PODXL: variants seen among roughly 807,000 people sequenced by gnomAD.
PODXL encodes the protein podocalyxin.
Under a neutral mutation model 48.9 loss-of-function variants are expected in PODXL, and 20 were observed. That is an observed-to-expected ratio of 0.41 (90% confidence interval 0.29 to 0.59). The LOEUF (loss-of-function observed/expected upper bound fraction) is 0.59, where lower values mean the gene tolerates loss of function less well. Among genes scored for constraint, PODXL ranks in the 20% least tolerant of loss-of-function variants. The pLI is 0.31. For synonymous variants in PODXL, 295 were observed against 287.4 expected, an observed-to-expected ratio of 1.03 and a Z score of -0.27; for missense variants, 606 against 675.1, an observed-to-expected ratio of 0.90 and a Z score of 1.13.
chr7:131,515,274 CTT>C (rs1045857132), intron 1 of PODXL, among the ~76,000 whole-genome samples: 2 of 152,168 alleles, frequency 1.3e-5, no homozygotes, highest in Non-Finnish European at 2.9e-5. Flanking sequence ...CAAGGAGTCT[CTT>C]TGTTTGCAGC....
At chr7:131,546,759 T>C (rs1426667639) in intron 1 of PODXL, among the ~76,000 whole-genome samples, 1 of 150,386 alleles carries the variant, frequency 6.6e-6, no homozygotes, top group African/African-American at 2.5e-5. Context: ...AAAAGTCTGT[T>C]TTGACTCAAA....
intron 1 of PODXL, among the ~76,000 whole-genome samples, chr7:131,533,803 A>G (rs1798322177): frequency 6.6e-6 from 1 of 152,182 alleles, no homozygotes; most frequent in Non-Finnish European, 1.5e-5. Context: ...AGCATGTACC[A>G]GGGAGCCCGA....
intron 1 of PODXL, among the ~76,000 whole-genome samples, chr7:131,530,803 T>C (rs1391642523): frequency 6.7e-6 from 1 of 148,354 alleles, no homozygotes; most frequent in Non-Finnish European, 1.5e-5. Flanking sequence ...CTCCCACCTA[T>C]AATCCCAGCA....
chr7:131,522,789 T>C (rs917530387), intron 1 of PODXL, among the ~76,000 whole-genome samples: 13 of 152,184 alleles, frequency 8.5e-5, no homozygotes, highest in Non-Finnish European at 1.5e-4. Context: ...TTCTTTCACT[T>C]TGATGTGTTT....
At chr7:131,541,123 C>T (rs1323705635) in intron 1 of PODXL, among the ~76,000 whole-genome samples, 1 of 152,176 alleles carries the variant, frequency 6.6e-6, no homozygotes, top group Non-Finnish European at 1.5e-5. Context: ...AGACTAAATC[C>T]GTGCATGCTG....
intron 1 of PODXL, among the ~76,000 whole-genome samples, chr7:131,536,115 C>T (rs1206485177): frequency 2.0e-5 from 3 of 152,268 alleles, no homozygotes; most frequent in South Asian, 2.1e-4. Context: ...TCCTAAAGAG[C>T]CTGACAAGTG....
At chr7:131,533,316 G>A (rs922984649) in intron 1 of PODXL, among the ~76,000 whole-genome samples, 7 of 152,190 alleles carry the variant, frequency 4.6e-5, no homozygotes, top group Non-Finnish European at 1.0e-4. Flanking sequence ...CTCAGGGGTG[G>A]GGTCGTCAGG....
At chr7:131,553,850 A>G (rs935597387) in intron 1 of PODXL, among the ~76,000 whole-genome samples, 20 of 152,232 alleles carry the variant, frequency 1.3e-4, no homozygotes, top group African/African-American at 4.6e-4. Context: ...ACAAATAACG[A>G]AACGGAGGCA....
intron 1 of PODXL, among the ~76,000 whole-genome samples, chr7:131,529,293 G>T (rs1294931036): frequency 1.3e-5 from 2 of 152,166 alleles, no homozygotes; most frequent in Non-Finnish European, 2.9e-5. Flanking sequence ...TGTTGAATGA[G>T]TTAACGCAGT....
chr7:131,551,590 T>C (rs1254895012), intron 1 of PODXL, among the ~76,000 whole-genome samples: 1 of 152,124 alleles, frequency 6.6e-6, no homozygotes. Flanking sequence ...CTACGTCCCC[T>C]CCTGAGAAGT....
intron 1 of PODXL, among the ~76,000 whole-genome samples, chr7:131,519,061 T>C (rs1269633768): frequency 6.6e-6 from 1 of 152,186 alleles, no homozygotes; most frequent in Non-Finnish European, 1.5e-5. Flanking sequence ...AATGATTAGC[T>C]CCTGCTGATG....
rs1752586281 is a variant in PODXL, at chr7:131,504,182, G to A, written c.*129C>T. On this transcript the variant is annotated 3_prime_UTR_variant, in exon 9 of 9. Transcript: ENST00000378555. ...GAAAAGGGAAAAATTAAGGCCCTGG[G>A]GGGATTGGGAGGGGACACCCCTCGG... The A allele has an allele frequency of 4.3e-6, 3 of 700,000 alleles. No individual in the cohort carries two copies. Among genetic ancestry groups the A allele is most frequent in the Non-Finnish European group, 7.3e-6 (3 of 411,156 alleles). 43.4% of individuals were successfully genotyped at this position (700,000 alleles called of 1,614,324 possible).
In PODXL at chr7:131,509,624, T is replaced by G. The variant is rs529300929; in HGVS notation, c.803-39A>C. On this transcript the variant is annotated intron_variant, in intron 3 of 8. Transcript: ENST00000378555. ...AACGAGGGTAATGAGAAAAGATGAG[T>G]GCACCCTTGCGAGAAGAGGACAATC... 4.6e-5 allele frequency: 63 copies of G among 1,355,764 alleles called. No homozygotes were observed. The South Asian group carries it at 9.0e-4, about 19-fold the overall frequency. The allele number at this position is 1,355,764 out of a possible 1,614,324, so 84.0% of individuals were successfully genotyped here. A position where few individuals can be genotyped will look rare whatever the true frequency, so the allele number is the denominator to read the frequency against.
chr7:131,512,900 C>G (rs1449598919), intron 1 of PODXL, among the ~76,000 whole-genome samples: 1 of 148,776 alleles, frequency 6.7e-6, no homozygotes. Flanking sequence ...GAGGCTGAGG[C>G]AGGAGAACGG....
chr7:131,503,216 T>C lies in PODXL; in HGVS notation c.*1095A>G, dbSNP rs1797739681. On this transcript the variant is annotated 3_prime_UTR_variant, in exon 9 of 9. Transcript: ENST00000378555. Reference sequence around the variant, plus strand: ...AGCCTGTCCTTCCTGGCTGCTTTAATGGATTGTCTCTGAAGACACATCGCT... The same window carrying C: ...AGCCTGTCCTTCCTGGCTGCTTTAACGGATTGTCTCTGAAGACACATCGCT... The C allele has an allele frequency of 6.5e-6, 1 of 152,698 alleles. No individual in the cohort carries two copies. The highest frequency in any genetic ancestry group is 2.4e-5 in the African/African-American group (1 of 41,472). 9.5% of individuals were successfully genotyped at this position (152,698 alleles called of 1,614,324 possible).
Position 131,503,369 on chromosome 7 carries a change from T to C in PODXL, c.*942A>G, listed in dbSNP as rs1050390562. On this transcript the variant is annotated 3_prime_UTR_variant, in exon 9 of 9. Transcript: ENST00000378555. Reference sequence around the variant, plus strand: ...CGCTGCTCTCACTAGCTACAGCAGATTTTAGTCCCTGGTGGAAATGGAAGC... The same window carrying C: ...CGCTGCTCTCACTAGCTACAGCAGACTTTAGTCCCTGGTGGAAATGGAAGC... 1 of 152,234 alleles carries C rather than the reference T, an allele frequency of 6.6e-6. No individual in the cohort carries two copies. Among genetic ancestry groups the C allele is most frequent in the African/African-American group, 2.4e-5 (1 of 41,446 alleles). 9.4% of individuals were successfully genotyped at this position (152,234 alleles called of 1,614,324 possible). A position where few individuals can be genotyped will look rare whatever the true frequency, so the allele number is the denominator to read the frequency against.
rs1158114326 is a variant in PODXL, at chr7:131,500,631, C to T, written c.*3680G>A. ...CCCTCAGTCCTGTTGGAGTAAGTTC[C>T]ATATATAAAAGCTCATCCAAAACTT... On this transcript the variant is annotated 3_prime_UTR_variant, in exon 9 of 9. Transcript: ENST00000378555. 1 of 152,234 alleles carries T rather than the reference C, an allele frequency of 6.6e-6. No individual in the cohort carries two copies. The highest frequency in any genetic ancestry group is 1.5e-5 in the Non-Finnish European group (1 of 68,044). The allele number at this position is 152,234 out of a possible 1,614,324, so 9.4% of individuals were successfully genotyped here. A position where few individuals can be genotyped will look rare whatever the true frequency, so the allele number is the denominator to read the frequency against.
chr7:131,554,578 C>T (rs562702436), intron 1 of PODXL, among the ~76,000 whole-genome samples: 66 of 152,164 alleles, frequency 4.3e-4, no homozygotes, highest in Admixed American at 1.7e-3. Context: ...AAAACAGTGC[C>T]ATCCTTGAAG....
chr7:131,556,121 G>A, intron 1 of PODXL, 139 bp downstream of exon 1: 2 of 1,196,348 alleles, frequency 1.7e-6, no homozygotes, highest in Non-Finnish European at 2.2e-6. Flanking sequence ...GCAAGGTCAG[G>A]GCTCCGTGTG....
Sources: gnomAD v4.1 joint callset for allele counts (sites outside exome capture counted in the v4.1 genomes callset) on GRCh38, gnomAD v4.1.1 for gene constraint, MANE v1.5 for transcripts, NCBI Gene and HGNC (gene_info 2026-07-23, HGNC 2026-07-21) for gene names.